Variants in LRMDA observed in about 807,000 individuals in gnomAD.
LRMDA encodes the protein leucine-rich melanocyte differentiation-associated protein.
In LRMDA, 18 loss-of-function variants were observed where a neutral mutation model predicts 29.8. The ratio of observed to expected loss-of-function variants is 0.60; its 90% CI spans 0.42 to 0.90. The LOEUF is 0.90. LRMDA is among the 40% of genes least tolerant of loss of function. LRMDA has a pLI of 0.00. For synonymous variants in LRMDA, 125 were observed against 109.4 expected (o/e 1.14, Z -0.89); for missense variants, 273 against 273.9 (o/e 1.00, Z 0.02).
At chr10:75,457,063 C>T (rs1844525691) in intron 2 of LRMDA, among the ~76,000 whole-genome samples, 1 of 152,150 alleles carries the variant, frequency 6.6e-6, no homozygotes, top group Admixed American at 6.5e-5. Context: ...ATCAGTTTTC[C>T]CTGATGACCT....
At chr10:75,638,622 G>C (rs1419933302) in intron 2 of LRMDA, among the ~76,000 whole-genome samples, 1 of 152,142 alleles carries the variant, frequency 6.6e-6, no homozygotes, top group Non-Finnish European at 1.5e-5. Flanking sequence ...TTGTACTTTA[G>C]CAATTTATAA....
intron 2 of LRMDA, among the ~76,000 whole-genome samples, chr10:75,442,523 T>C (rs1844340502): frequency 6.6e-6 from 1 of 152,220 alleles, no homozygotes; most frequent in South Asian, 2.1e-4. Context: ...TTCTTTCCCC[T>C]TTGTGTGTTC....
intron 5 of LRMDA, among the ~76,000 whole-genome samples, chr10:76,077,992 A>T (rs868389889): frequency 0.017 from 801 of 47,938 alleles, 3 homozygotes; most frequent in Middle Eastern, 0.071. Flanking sequence ...CAATATTAAC[A>T]TTTTTTTTTT....
At chr10:75,676,994 T>C (rs1355522758) in intron 2 of LRMDA, among the ~76,000 whole-genome samples, 1 of 152,212 alleles carries the variant, frequency 6.6e-6, no homozygotes, top group Non-Finnish European at 1.5e-5. Context: ...ATTTATGGCA[T>C]TAAAGCCACT....
intron 5 of LRMDA, among the ~76,000 whole-genome samples, chr10:76,183,204 T>C (rs768186332): frequency 4.6e-5 from 7 of 152,228 alleles, no homozygotes; most frequent in Non-Finnish European, 7.3e-5. Context: ...ATAGCATGAA[T>C]TCTTTAAAAC....
At chr10:75,530,612 C>T (rs953773512) in intron 2 of LRMDA, among the ~76,000 whole-genome samples, 5 of 152,182 alleles carry the variant, frequency 3.3e-5, no homozygotes, top group Non-Finnish European at 5.9e-5. Context: ...TAGAATCCTT[C>T]CTCATAAATC....
intron 2 of LRMDA, among the ~76,000 whole-genome samples, chr10:75,581,715 G>A (rs1250517769): frequency 1.3e-5 from 2 of 151,298 alleles, no homozygotes; most frequent in South Asian, 2.1e-4. Context: ...GTTCTCAATT[G>A]TAAGTGGGAG....
intron 5 of LRMDA, among the ~76,000 whole-genome samples, chr10:76,268,879 A>C (rs1410130665): frequency 6.6e-6 from 1 of 152,010 alleles, no homozygotes; most frequent in Non-Finnish European, 1.5e-5. Context: ...TAGTGAGCTT[A>C]TTGGCCCCCT....
chr10:76,317,152 T>G (rs1286737889), intron 5 of LRMDA, among the ~76,000 whole-genome samples: 1 of 152,090 alleles, frequency 6.6e-6, no homozygotes, highest in Non-Finnish European at 1.5e-5. Flanking sequence ...TCAGGCTGAT[T>G]TGGTTTCTAA....
intron 2 of LRMDA, among the ~76,000 whole-genome samples, chr10:75,963,735 A>G (rs952753110): frequency 2.0e-5 from 3 of 152,226 alleles, no homozygotes; most frequent in African/African-American, 7.2e-5. Context: ...AAAGAGATGC[A>G]AAAATGAAAT....
intron 2 of LRMDA, among the ~76,000 whole-genome samples, chr10:76,004,790 T>C (rs2132472441): frequency 6.6e-6 from 1 of 150,532 alleles, no homozygotes; most frequent in Non-Finnish European, 1.5e-5. Context: ...TGCAGTGGCG[T>C]GATCTTGGCT....
chr10:75,860,492 T>C (rs1416278722), intron 2 of LRMDA, among the ~76,000 whole-genome samples: 3 of 152,004 alleles, frequency 2.0e-5, no homozygotes, highest in Non-Finnish European at 4.4e-5. Flanking sequence ...TGGCTAATTT[T>C]TGTATTTTTG....
At chr10:76,240,763 G>GAGAGAGAT (rs1852258473) in intron 5 of LRMDA, among the ~76,000 whole-genome samples, 1 of 143,986 alleles carries the variant, frequency 6.9e-6, no homozygotes, top group Non-Finnish European at 1.5e-5. Context: ...AAGAAAATGT[G>GAGAGAGAT]AGATAGATAG....
intron 6 of LRMDA, among the ~76,000 whole-genome samples, chr10:76,372,329 C>G (rs10824410): frequency 0.11 from 15,995 of 152,090 alleles, 973 homozygotes; most frequent in East Asian, 0.3. Flanking sequence ...TGAAGAAATC[C>G]TTGCCGGGCA....
At chr10:75,731,183 C>A (rs780278065) in intron 2 of LRMDA, among the ~76,000 whole-genome samples, 18 of 152,194 alleles carry the variant, frequency 1.2e-4, no homozygotes, top group Non-Finnish European at 2.4e-4. Flanking sequence ...CTATTGGATT[C>A]ATATTTTTTA....
rs529042697 is a variant in LRMDA at position 75,452,320 on chromosome 10, C to T, written c.131+13826C>T. ...TGGAGCCCTGGTTAGTGGTGTTTATCGCGCGTCTCTGTTCTTTGTTCACCC... is the reference window on the plus strand; with the variant it reads ...TGGAGCCCTGGTTAGTGGTGTTTATTGCGCGTCTCTGTTCTTTGTTCACCC... On this transcript the variant is annotated intron_variant, in intron 2 of 6. Coordinates refer to ENST00000611255, the MANE Select transcript of LRMDA (RefSeq NM_001305581.2). 1.1e-4 allele frequency among the ~76,000 whole-genome samples: 16 copies of T among 152,262 alleles called. No homozygotes were observed. The East Asian group carries it at 2.1e-3, about 20-fold the overall frequency.
intron 5 of LRMDA, among the ~76,000 whole-genome samples, chr10:76,140,330 G>GTGAAAT (rs1850175753): frequency 6.6e-6 from 1 of 152,130 alleles, no homozygotes; most frequent in Non-Finnish European, 1.5e-5. Context: ...GAAGGTGCCA[G>GTGAAAT]CTGAAATCTG....
In LRMDA at chr10:76,379,147, G is replaced by C. The variant is rs542487441; in HGVS notation, c.601+54662G>C. 3.4e-5 allele frequency among the ~76,000 whole-genome samples: 5 copies of C among 149,020 alleles called. No individual in the cohort carries two copies. The South Asian group carries it at 6.4e-4, about 19-fold the overall frequency. On this transcript the variant is annotated intron_variant, in intron 6 of 6. Coordinates refer to ENST00000611255, the MANE Select transcript of LRMDA (RefSeq NM_001305581.2). ...GCTGAGATTACAGGCGTGAGCCACT[G>C]TGCCTGGCCTTCTTTGTGTGTGTGT... is the stretch of plus-strand genomic sequence containing the variant.
At chr10:75,662,062 C>G (rs1209494356) in intron 2 of LRMDA, among the ~76,000 whole-genome samples, 1 of 151,456 alleles carries the variant, frequency 6.6e-6, no homozygotes, top group Non-Finnish European at 1.5e-5. Flanking sequence ...AGGACCTTTT[C>G]TTTTGGCCAA....
Sources: allele counts gnomAD v4.1 joint callset (sites outside exome capture counted in the v4.1 genomes callset), GRCh38; gene constraint gnomAD v4.1.1; transcripts MANE v1.5; gene names NCBI Gene and HGNC (gene_info 2026-07-23, HGNC 2026-07-21).